The following STK32B variants were observed in gnomAD, a reference collection of about 807,000 sequenced individuals.
STK32B encodes the protein serine/threonine kinase 32B.
In STK32B, 43 loss-of-function variants were observed where a neutral mutation model predicts 52.6. That is an observed-to-expected ratio of 0.82 (90% CI 0.64 to 1.05). The LOEUF (loss-of-function observed/expected upper bound fraction) is 1.05, where lower values mean the gene tolerates loss of function less well. Ranked by LOEUF, STK32B falls within the 50% of genes least tolerant of loss-of-function variation. The pLI is 0.00. For missense variants in STK32B, 621 were observed against 534.6 expected (o/e 1.16, Z -1.59); for synonymous variants, 238 against 204.3 (o/e 1.17, Z -1.41).
chr4:5,202,761 G>C (rs1383810011), intron 3 of STK32B, among the ~76,000 whole-genome samples: 1 of 152,224 alleles, frequency 6.6e-6, no homozygotes, highest in African/African-American at 2.4e-5. Context: ...GCAGCCCCAG[G>C]TGTCATTGGT....
chr4:5,121,749 G>T (rs1340342079), intron 1 of STK32B, among the ~76,000 whole-genome samples: 1 of 152,016 alleles, frequency 6.6e-6, no homozygotes. Context: ...GATGAGGCTG[G>T]AGTGGGACCT....
intron 8 of STK32B, 128 bp downstream of exon 8, chr4:5,457,051 C>T (rs925933334): frequency 6.3e-6 from 4 of 632,054 alleles, no homozygotes; most frequent in Non-Finnish European, 7.7e-6. Flanking sequence ...ATCAGCTGCG[C>T]TCAAATGCCA....
intron 3 of STK32B, among the ~76,000 whole-genome samples, chr4:5,270,010 G>T (rs781532294): frequency 6.6e-6 from 1 of 152,146 alleles, no homozygotes; most frequent in Non-Finnish European, 1.5e-5. Flanking sequence ...GAAAAGTCAT[G>T]TGATCATCTC....
intron 3 of STK32B, among the ~76,000 whole-genome samples, chr4:5,216,949 T>C (rs1054276352): frequency 6.6e-6 from 1 of 152,172 alleles, no homozygotes; most frequent in Non-Finnish European, 1.5e-5. Flanking sequence ...GAGTGCTTGA[T>C]AAATATTAAT....
chr4:5,453,622 G>A lies in STK32B; in HGVS notation c.667-3185G>A, dbSNP rs899520074. ...GGAGCAATTATAAATAGTCCAAAAC[G>A]GCTGGGTGCAGTGGCTTACGTCTGT... On this transcript the variant is annotated intron_variant, in intron 7 of 11. Transcript: ENST00000282908. The surrounding 1 kb of genome is among the most constrained non-coding windows in gnomAD (Gnocchi z 4.0). 3.3e-5 allele frequency among the ~76,000 whole-genome samples: 5 copies of A among 152,148 alleles called. No homozygotes were observed. Among genetic ancestry groups the A allele is most frequent in the Admixed American group, 1.3e-4 (2 of 15,276 alleles).
In STK32B at chr4:5,394,224, T is replaced by G. The variant is rs1015494662; in HGVS notation, c.435-3983T>G. Among the ~76,000 whole-genome samples, 11 of 152,154 alleles carry G rather than the reference T, an allele frequency of 7.2e-5. No homozygotes were observed. Among genetic ancestry groups the G allele is most frequent in the Non-Finnish European group, 5.9e-5 (4 of 68,034 alleles). On this transcript the variant is annotated intron_variant, in intron 4 of 11. Transcript: ENST00000282908. This position sits in a 1 kb window ranked among gnomAD's most constrained non-coding sequence, Gnocchi z 4.2. Reference sequence around the variant, plus strand: ...AATAATTCAAGAGCAGCACCGGGTTTTATAGCCCTGCATGCGTACTTTCCA... The same window carrying G: ...AATAATTCAAGAGCAGCACCGGGTTGTATAGCCCTGCATGCGTACTTTCCA...
chr4:5,283,946 T>C (rs979772576), intron 3 of STK32B, among the ~76,000 whole-genome samples: 8 of 152,154 alleles, frequency 5.3e-5, no homozygotes, highest in African/African-American at 1.7e-4. Context: ...TATACTGCCA[T>C]ACTGAGAATT....
intron 11 of STK32B, among the ~76,000 whole-genome samples, chr4:5,486,279 G>C (rs929400117): frequency 7.2e-5 from 11 of 152,178 alleles, no homozygotes; most frequent in African/African-American, 2.7e-4. Context: ...CTCAAGCCTT[G>C]GCAATGGCGG....
chr4:5,160,084 C>T (rs905513701), intron 2 of STK32B, among the ~76,000 whole-genome samples: 1 of 152,134 alleles, frequency 6.6e-6, no homozygotes, highest in Non-Finnish European at 1.5e-5. Flanking sequence ...CCCCAAAACA[C>T]CCGCACAGAC....
Position 5,443,580 on chromosome 4 carries a change from G to A in STK32B, c.563-3093G>A, listed in dbSNP as rs1467226491. Among the ~76,000 whole-genome samples the A allele has an allele frequency of 5.6e-4, 85 of 151,866 alleles. 2 individuals carry two copies. In the South Asian group the frequency reaches 0.013, roughly 23 times the overall value. On this transcript the variant is annotated intron_variant, in intron 6 of 11. Transcript: ENST00000282908. ...TCCCATAGCTCAGAGTAATTTGATCGTCTGAAGCCTTCTCTCAGCTTGTCA... is the reference window on the plus strand; with the variant it reads ...TCCCATAGCTCAGAGTAATTTGATCATCTGAAGCCTTCTCTCAGCTTGTCA...
At chr4:5,099,773 C>T (rs1266918590) in intron 1 of STK32B, among the ~76,000 whole-genome samples, 1 of 152,078 alleles carries the variant, frequency 6.6e-6, no homozygotes, top group African/African-American at 2.4e-5. Flanking sequence ...CGGCTGCCTT[C>T]TAGGGACAGC....
rs966053141 is a variant in STK32B at position 5,399,726 on chromosome 4, G to A, written c.472+1482G>A. ...TCCGTGTCTCAGCCTTCCCAGCAGCGATGCAGAAGTAATTGACCCACCTTG... is the reference window on the plus strand; with the variant it reads ...TCCGTGTCTCAGCCTTCCCAGCAGCAATGCAGAAGTAATTGACCCACCTTG... On this transcript the variant is annotated intron_variant, in intron 5 of 11. Coordinates refer to ENST00000282908, the MANE Select transcript of STK32B (RefSeq NM_018401.3). The surrounding 1 kb of genome is among the most constrained non-coding windows in gnomAD (Gnocchi z 5.4). 5.9e-5 allele frequency among the ~76,000 whole-genome samples: 9 copies of A among 152,144 alleles called. No individual in the cohort carries two copies. The highest frequency in any genetic ancestry group is 7.3e-5 in the Non-Finnish European group (5 of 68,032).
chr4:5,193,991 C>T (rs1721444692), intron 3 of STK32B, among the ~76,000 whole-genome samples: 1 of 152,186 alleles, frequency 6.6e-6, no homozygotes, highest in African/African-American at 2.4e-5. Context: ...CTTGGCTTTG[C>T]ACATGTTCTA....
rs1037586712 is a variant in STK32B at position 5,380,325 on chromosome 4, G to A, written c.435-17882G>A. ...TCGCTTCCCTCCCAGCCCTCCTCCCGAATCTCTCCAACGCTACCCAAGAGA... is the reference window on the plus strand; with the variant it reads ...TCGCTTCCCTCCCAGCCCTCCTCCCAAATCTCTCCAACGCTACCCAAGAGA... On this transcript the variant is annotated intron_variant, in intron 4 of 11. Transcript: ENST00000282908. This position sits in a 1 kb window ranked among gnomAD's most constrained non-coding sequence, Gnocchi z 4.3. Among the ~76,000 whole-genome samples, 24 of 151,926 alleles carry A rather than the reference G, an allele frequency of 1.6e-4. No homozygotes were observed. The highest frequency in any genetic ancestry group is 2.5e-4 in the Non-Finnish European group (17 of 67,994).
intron 3 of STK32B, among the ~76,000 whole-genome samples, chr4:5,288,727 A>G (rs1010818980): frequency 2.6e-5 from 4 of 152,176 alleles, no homozygotes; most frequent in African/African-American, 9.7e-5. Flanking sequence ...TTGGAACACA[A>G]AAGTTTTTAA....
rs191068409 is a variant in STK32B, at chr4:5,400,512, G to A, written c.472+2268G>A. 6.6e-5 allele frequency among the ~76,000 whole-genome samples: 10 copies of A among 152,208 alleles called. No homozygotes were observed. The highest frequency in any genetic ancestry group is 2.0e-4 in the Admixed American group (3 of 15,292). ...TCCCTCTCCAGCCTCCCATTTCATC[G>A]AAAAGTCTCTGCTAGCTGGTGGGAC... is the stretch of plus-strand genomic sequence containing the variant. On this transcript the variant is annotated intron_variant, in intron 5 of 11. Transcript: ENST00000282908. This position sits in a 1 kb window ranked among gnomAD's most constrained non-coding sequence, Gnocchi z 6.1.
In STK32B at chr4:5,172,737, C is replaced by G. The variant is rs1262265873; in HGVS notation, c.260+4287C>G. 5.9e-5 allele frequency among the ~76,000 whole-genome samples: 9 copies of G among 152,224 alleles called. 1 individual carries two copies. In the South Asian group the frequency reaches 6.2e-4, roughly 11 times the overall value. Reference sequence around the variant, plus strand: ...AGTATTTTATTGAGGATTTTTGCATCAAGGTTCATCAAGGATATTGGTCTA... The same window carrying G: ...AGTATTTTATTGAGGATTTTTGCATGAAGGTTCATCAAGGATATTGGTCTA... On this transcript the variant is annotated intron_variant, in intron 3 of 11. Transcript: ENST00000282908.
At chr4:5,078,788 C>G (rs1712233596) in intron 1 of STK32B, among the ~76,000 whole-genome samples, 1 of 152,122 alleles carries the variant, frequency 6.6e-6, no homozygotes, top group Non-Finnish European at 1.5e-5. Flanking sequence ...AAGACCCCCT[C>G]CACCCTCTAT....
At chr4:5,208,812 G>C (rs1722733392) in intron 3 of STK32B, among the ~76,000 whole-genome samples, 2 of 152,192 alleles carry the variant, frequency 1.3e-5, no homozygotes, top group African/African-American at 2.4e-5. Context: ...ATTCTGGCTT[G>C]ATTCACCCAA....
Sources: gnomAD v4.1 joint callset for allele counts (sites outside exome capture counted in the v4.1 genomes callset) on GRCh38, gnomAD v4.1.1 for gene constraint, Gnocchi (gnomAD v3.1) non-coding constraint, MANE v1.5 for transcripts, NCBI Gene and HGNC (gene_info 2026-07-23, HGNC 2026-07-21) for gene names.